Variants in TRPC5 observed in about 807,000 individuals in gnomAD.
TRPC5 encodes transient receptor potential cation channel subfamily C member 5, also known as short transient receptor potential channel 5.
In TRPC5, 9 loss-of-function variants were observed where a neutral mutation model predicts 56.5. The observed-to-expected ratio is 0.16, with a 90% CI of 0.10 to 0.28. TRPC5 has a LOEUF of 0.28. TRPC5 is among the 10% of genes least tolerant of loss of function. TRPC5 has a pLI of 1.00. For missense variants in TRPC5, 469 were observed against 748.9 expected (o/e 0.63, Z 4.36); for synonymous variants, 282 against 278.5 (o/e 1.01, Z -0.13).
chrX:112,073,508 G>A (rs780975974), intron 1 of TRPC5, among the ~76,000 whole-genome samples: 9 of 111,266 alleles, frequency 8.1e-5, no homozygotes, highest in African/African-American at 6.5e-5. Flanking sequence ...GACCTCAGGC[G>A]ATCCATCTGC....
At chrX:111,857,426 A>C (rs1461290130) in intron 3 of TRPC5, among the ~76,000 whole-genome samples, 1 of 111,662 alleles carries the variant, frequency 9.0e-6, no homozygotes, top group African/African-American at 3.3e-5. Flanking sequence ...CATTCAGGTG[A>C]ATTGGTGATG....
intron 6 of TRPC5, among the ~76,000 whole-genome samples, chrX:111,837,181 T>C (rs920828953): frequency 8.9e-6 from 1 of 111,924 alleles, no homozygotes; most frequent in Non-Finnish European, 1.9e-5. Context: ...CCAGACAATA[T>C]GGCAAGTCAG....
chrX:111,862,894 C>G (rs1483816866), intron 3 of TRPC5, among the ~76,000 whole-genome samples: 3 of 111,890 alleles, frequency 2.7e-5, no homozygotes, highest in Middle Eastern at 4.2e-3. Flanking sequence ...AAGTCTTACA[C>G]TTCTTTTGTT....
chrX:111,914,457 G>T (rs973540610), intron 2 of TRPC5, among the ~76,000 whole-genome samples: 18 of 111,939 alleles, frequency 1.6e-4, no homozygotes, highest in African/African-American at 5.8e-4. Context: ...CAACATCATT[G>T]CCTCCCTCCC....
chrX:111,854,047 A>C lies in TRPC5; in HGVS notation c.960T>G (p.Pro320=). The C allele has an allele frequency of 8.3e-7, 1 of 1,211,813 alleles. No homozygotes were observed. Among genetic ancestry groups the C allele is most frequent in the Non-Finnish European group, 1.1e-6 (1 of 895,452 alleles). ...CTACCCAGTGTTTCCGCCGCCATCC[A>C]GGGAAGCCATCATACCACAGGGTGG... The part of the protein sequence containing the change: ...LLATLWYDGF[P]GWRRKHWVVK... The change falls in exon 4 of 11, where the codon CCT becomes CCG. Residue 320 remains proline, a synonymous_variant. Coordinates refer to ENST00000262839, the MANE Select transcript of TRPC5 (RefSeq NM_012471.3).
intron 1 of TRPC5, among the ~76,000 whole-genome samples, chrX:112,020,408 T>A (rs1226109681): frequency 2.7e-5 from 3 of 111,738 alleles, no homozygotes; most frequent in Non-Finnish European, 5.6e-5. Flanking sequence ...CATAACAGCT[T>A]AGGATGGAAA....
intron 1 of TRPC5, among the ~76,000 whole-genome samples, chrX:112,048,994 G>A (rs1000287222): frequency 2.7e-5 from 3 of 112,005 alleles, no homozygotes; most frequent in African/African-American, 9.8e-5. Flanking sequence ...TTCCATCTTG[G>A]TTCATTAAAA....
intron 1 of TRPC5, among the ~76,000 whole-genome samples, chrX:112,066,137 A>C (rs112180249): frequency 0.057 from 6,020 of 106,412 alleles, 415 homozygotes; most frequent in African/African-American, 0.19. Flanking sequence ...CTTATGTTAC[A>C]TCCCTTCTGT....
chrX:111,994,189 G>T (rs1219972879), intron 1 of TRPC5, among the ~76,000 whole-genome samples: 1 of 111,278 alleles, frequency 9.0e-6, no homozygotes, highest in African/African-American at 3.3e-5. Context: ...TTTTTGTCAG[G>T]TTTGTCAAAG....
At chrX:111,996,377 C>T (rs1194118316) in intron 1 of TRPC5, among the ~76,000 whole-genome samples, 1 of 109,992 alleles carries the variant, frequency 9.1e-6, no homozygotes, top group African/African-American at 3.3e-5. Context: ...GGTCTTTTAC[C>T]TTTGCTGAGG....
At chrX:112,026,914 A>C (rs1929427361) in intron 1 of TRPC5, among the ~76,000 whole-genome samples, 1 of 108,078 alleles carries the variant, frequency 9.3e-6, no homozygotes, top group Admixed American at 9.9e-5. Flanking sequence ...CATGAAAAAA[A>C]AAAAAGAAGA....
At chrX:111,910,105 T>C (rs1215026740) in intron 3 of TRPC5, among the ~76,000 whole-genome samples, 3 of 112,510 alleles carry the variant, frequency 2.7e-5, no homozygotes, top group Non-Finnish European at 5.6e-5. Context: ...CCTAAAATTG[T>C]AAAGTTGATC....
At chrX:112,074,814 C>T (rs7066698) in intron 1 of TRPC5, among the ~76,000 whole-genome samples, 12,289 of 111,812 alleles carry the variant, frequency 0.11, 1,620 homozygotes, top group African/African-American at 0.38. Flanking sequence ...CGAATATTCG[C>T]CAAGTGATTG....
chrX:112,080,887 T>A lies in TRPC5; in HGVS notation c.-22+992A>T, dbSNP rs1930948095. Among the ~76,000 whole-genome samples, 7 of 112,337 alleles carry A rather than the reference T, an allele frequency of 6.2e-5. No individual in the cohort carries two copies. The Admixed American group carries it at 6.6e-4, about 11-fold the overall frequency. ...GGCAATAGAAAAGTGGGTCTGGGTG[T>A]GCCATGTCAATGTTGTAATCATTTC... On this transcript the variant is annotated intron_variant, in intron 1 of 10. Coordinates refer to ENST00000262839, the MANE Select transcript of TRPC5 (RefSeq NM_012471.3).
intron 3 of TRPC5, among the ~76,000 whole-genome samples, chrX:111,912,050 A>G (rs1692661345): frequency 8.9e-6 from 1 of 112,335 alleles, no homozygotes; most frequent in Non-Finnish European, 1.9e-5. Context: ...AACAGTGCTC[A>G]GTAAGCATTT....
intron 3 of TRPC5, among the ~76,000 whole-genome samples, chrX:111,884,994 G>T (rs1219657132): frequency 6.2e-5 from 7 of 112,630 alleles, no homozygotes; most frequent in African/African-American, 2.3e-4. Flanking sequence ...CCCAGTTAAG[G>T]CCTATCCAGG....
chrX:111,911,025 C>T (rs1245491482), intron 3 of TRPC5, among the ~76,000 whole-genome samples: 1 of 112,926 alleles, frequency 8.9e-6, no homozygotes, highest in Non-Finnish European at 1.9e-5. Flanking sequence ...TTACCACTTC[C>T]TCCAGTATAG....
chrX:111,953,547 G>C (rs1031430147), intron 1 of TRPC5, among the ~76,000 whole-genome samples: 4 of 111,821 alleles, frequency 3.6e-5, no homozygotes, highest in African/African-American at 1.3e-4. Context: ...GGGAGAAAAT[G>C]AGGCTCAGAT....
At chrX:112,071,480 A>G (rs1371402314) in intron 1 of TRPC5, among the ~76,000 whole-genome samples, 2 of 111,499 alleles carry the variant, frequency 1.8e-5, no homozygotes, top group African/African-American at 3.3e-5. Context: ...AGATAGTTTG[A>G]CTTTCAGCTA....
Sources: allele counts gnomAD v4.1 joint callset (sites outside exome capture counted in the v4.1 genomes callset), GRCh38; gene constraint gnomAD v4.1.1; transcripts MANE v1.5; gene names NCBI Gene and HGNC (gene_info 2026-07-23, HGNC 2026-07-21).